Variants in TANGO2 observed in about 807,000 individuals in gnomAD.
TANGO2 encodes the protein transport and Golgi organization protein 2 homolog.
In TANGO2, 26 loss-of-function variants were observed where a neutral mutation model predicts 39.1. The observed-to-expected ratio is 0.67, with a 90% confidence interval of 0.49 to 0.92. The LOEUF (loss-of-function observed/expected upper bound fraction) is 0.92, where lower values mean the gene tolerates loss of function less well. TANGO2 is among the 40% of genes least tolerant of loss of function. TANGO2 has a pLI of 0.00. For missense variants in TANGO2, 326 were observed against 360.1 expected (o/e 0.91, Z 0.77); for synonymous variants, 131 against 144.5 (o/e 0.91, Z 0.67).
chr22:20,041,301 A>C (rs1602055838), intron 2 of TANGO2, among the ~76,000 whole-genome samples: 3 of 145,918 alleles, frequency 2.1e-5, no homozygotes, highest in East Asian at 2.0e-4. Context: ...GCCCGCCACC[A>C]CACCCGGCTA....
upstream of TANGO2, among the ~76,000 whole-genome samples, chr22:20,018,815 C>T (rs1267019022): frequency 6.6e-6 from 1 of 152,340 alleles, no homozygotes; most frequent in Non-Finnish European, 1.5e-5. Context: ...CGCAGTGGCT[C>T]ATGCCTGTAA....
intron 1 of TANGO2, among the ~76,000 whole-genome samples, chr22:20,036,498 T>C (rs970590230): frequency 6.6e-6 from 1 of 152,182 alleles, no homozygotes; most frequent in Non-Finnish European, 1.5e-5. Flanking sequence ...GCCTTAAGAC[T>C]ACCATGGTGC....
chr22:20,053,775 C>T (rs1199355200), intron 5 of TANGO2: 15 of 579,212 alleles, frequency 2.6e-5, no homozygotes, highest in Middle Eastern at 2.7e-4. Context: ...TGAGGGCTGC[C>T]GGATCCCTGG....
intron 1 of TANGO2, among the ~76,000 whole-genome samples, chr22:20,026,405 A>T (rs1236282088): frequency 6.6e-6 from 1 of 152,200 alleles, no homozygotes. Context: ...CTCAAAAAAA[A>T]AAAAAAAGAG....
intron 5 of TANGO2, chr22:20,055,694 T>C: frequency 1.7e-6 from 1 of 576,378 alleles, no homozygotes. Flanking sequence ...TTTTAGATCC[T>C]GTGCCTCCTG....
intron 1 of TANGO2, among the ~76,000 whole-genome samples, chr22:20,025,178 G>T (rs967368495): frequency 2.7e-5 from 4 of 149,722 alleles, no homozygotes; most frequent in African/African-American, 9.8e-5. Context: ...TGCAACCTCT[G>T]CCTCTCAGGT....
chr22:20,025,730 G>A (rs1352768195), intron 1 of TANGO2, among the ~76,000 whole-genome samples: 1 of 152,196 alleles, frequency 6.6e-6, no homozygotes, highest in Non-Finnish European at 1.5e-5. Flanking sequence ...TCTTTTCCAG[G>A]TTATGGACTT....
chr22:20,059,384 C>A (rs2047953025), intron 6 of TANGO2, among the ~76,000 whole-genome samples: 1 of 152,192 alleles, frequency 6.6e-6, no homozygotes, highest in Non-Finnish European at 1.5e-5. Context: ...GTTTTTATGG[C>A]TCTCATGTGA....
At chr22:20,021,941 T>G (rs191400380) in intron 1 of TANGO2, among the ~76,000 whole-genome samples, 128 of 152,334 alleles carry the variant, frequency 8.4e-4, no homozygotes, top group African/African-American at 3.0e-3. Context: ...CAGGCCCCCT[T>G]CCTCTTCAGG....
chr22:20,018,671 C>T (rs184126399), upstream of TANGO2, among the ~76,000 whole-genome samples: 175 of 152,300 alleles, frequency 1.1e-3, no homozygotes, highest in African/African-American at 4.1e-3. Context: ...TGTCTGCCCT[C>T]GGCAGGCAGG....
chr22:20,055,704 G>GCCAT, intron 5 of TANGO2: 1 of 586,798 alleles, frequency 1.7e-6, no homozygotes, highest in Non-Finnish European at 3.0e-6. Flanking sequence ...TGTGCCTCCT[G>GCCAT]GGCTGGTGGG....
intron 6 of TANGO2, 114 bp downstream of exon 6, chr22:20,056,127 G>T: frequency 4.5e-6 from 4 of 892,516 alleles, no homozygotes; most frequent in Non-Finnish European, 5.5e-6. Flanking sequence ...ATGACTTTGT[G>T]GCCATTTAAG....
At chr22:20,020,366 A>G (rs1328514395), upstream of TANGO2, among the ~76,000 whole-genome samples, 1 of 152,158 alleles carries the variant, frequency 6.6e-6, no homozygotes, top group Non-Finnish European at 1.5e-5. Flanking sequence ...CCCAGAGGCT[A>G]CAGGAGCAGC....
chr22:20,029,514 G>A (rs1468096790), intron 1 of TANGO2, among the ~76,000 whole-genome samples: 5 of 152,232 alleles, frequency 3.3e-5, no homozygotes, highest in Non-Finnish European at 4.4e-5. Context: ...GGTATTCTTA[G>A]AGGACGGGAA....
At chr22:20,050,161 A>C (rs1451502550) in intron 3 of TANGO2, among the ~76,000 whole-genome samples, 1 of 152,024 alleles carries the variant, frequency 6.6e-6, no homozygotes, top group African/African-American at 2.4e-5. Context: ...CAGTGAACTG[A>C]GATCACACCA....
At chr22:20,039,498 G>A (rs1218564617) in intron 2 of TANGO2, among the ~76,000 whole-genome samples, 1 of 151,750 alleles carries the variant, frequency 6.6e-6, no homozygotes, top group South Asian at 2.1e-4. Flanking sequence ...GCATGGTGGC[G>A]CACACCTGTA....
At position 20,050,341 on chromosome 22, in the gene TANGO2, T is replaced by A. The variant is rs2046064291; in HGVS notation, c.146-2124T>A. ...TCAGTCTTTGTCACTCATTTTTCAT[T>A]AAATATTTTCCTGGTGGTTTTTTTT... On this transcript the variant is annotated intron_variant, in intron 3 of 8. Transcript: ENST00000327374. Among the ~76,000 whole-genome samples, 4 of 150,774 alleles carry A rather than the reference T, an allele frequency of 2.7e-5. No homozygotes were observed. The South Asian group carries it at 8.3e-4, about 31-fold the overall frequency.
chr22:20,027,667 G>A (rs2041036088), intron 1 of TANGO2, among the ~76,000 whole-genome samples: 1 of 152,082 alleles, frequency 6.6e-6, no homozygotes, highest in Admixed American at 6.5e-5. Flanking sequence ...GAGTGCAGTG[G>A]TGCTATCATA....
At chr22:20,020,344 G>A (rs1252202867), upstream of TANGO2, among the ~76,000 whole-genome samples, 1 of 152,164 alleles carries the variant, frequency 6.6e-6, no homozygotes, top group Non-Finnish European at 1.5e-5. Flanking sequence ...TGCCACATAG[G>A]CCCAGGCACA....
Sources: allele counts gnomAD v4.1 joint callset (sites outside exome capture counted in the v4.1 genomes callset), GRCh38; gene constraint gnomAD v4.1.1; transcripts MANE v1.5; gene names NCBI Gene and HGNC (gene_info 2026-07-23, HGNC 2026-07-21).